The following JAKMIP2 variants were observed in gnomAD, a reference collection of about 807,000 sequenced individuals.
JAKMIP2 encodes janus kinase and microtubule interacting protein 2.
Under a neutral mutation model 115.0 loss-of-function variants are expected in JAKMIP2, and 25 were observed. The observed-to-expected ratio is 0.22, with a 90% confidence interval of 0.16 to 0.30. JAKMIP2 has a LOEUF of 0.30. JAKMIP2 is among the 10% of genes least tolerant of loss of function. JAKMIP2 has a pLI of 1.00. For missense variants in JAKMIP2, 642 were observed against 957.6 expected (o/e 0.67, Z 4.35); for synonymous variants, 334 against 343.6 (o/e 0.97, Z 0.31).
chr5:147,715,415 G>C (rs1477293591), intron 1 of JAKMIP2, among the ~76,000 whole-genome samples: 1 of 151,152 alleles, frequency 6.6e-6, no homozygotes, highest in Non-Finnish European at 1.5e-5. Flanking sequence ...GTTCCCTAAA[G>C]AGTCTTTCTA....
At chr5:147,747,082 C>T (rs527703518) in intron 1 of JAKMIP2, among the ~76,000 whole-genome samples, 2 of 152,192 alleles carry the variant, frequency 1.3e-5, no homozygotes, top group East Asian at 3.9e-4. Flanking sequence ...CTCCCACATA[C>T]CATAGTGCTT....
At chr5:147,660,597 A>C in intron 3 of JAKMIP2, 1 of 374,298 alleles carries the variant, frequency 2.7e-6, no homozygotes, top group Admixed American at 3.5e-5. Context: ...ACTTTAGAAG[A>C]ATCCATGATT....
chr5:147,642,506 T>C (rs1757927674), intron 7 of JAKMIP2, among the ~76,000 whole-genome samples: 1 of 152,098 alleles, frequency 6.6e-6, no homozygotes, highest in Non-Finnish European at 1.5e-5. Context: ...AGCCCAAAAT[T>C]CTATAAAAAA....
chr5:147,715,067 C>A (rs527322164), intron 1 of JAKMIP2, among the ~76,000 whole-genome samples: 5 of 151,968 alleles, frequency 3.3e-5, no homozygotes, highest in African/African-American at 9.6e-5. Flanking sequence ...GTTTTAAGGG[C>A]TAGAAGAAAC....
chr5:147,703,143 A>T (rs1354826853), intron 1 of JAKMIP2, among the ~76,000 whole-genome samples: 2 of 152,096 alleles, frequency 1.3e-5, no homozygotes, highest in Non-Finnish European at 1.5e-5. Flanking sequence ...TAAGGGAGAT[A>T]TATTCTGAGG....
At chr5:147,599,822 A>G (rs981216432) in intron 21 of JAKMIP2, among the ~76,000 whole-genome samples, 7 of 152,086 alleles carry the variant, frequency 4.6e-5, no homozygotes, top group African/African-American at 1.7e-4. Context: ...TGGTCTTGGG[A>G]AAGTCACATG....
chr5:147,588,914 A>G lies in JAKMIP2; in HGVS notation c.*2793T>C, dbSNP rs528023061. The G allele has an allele frequency of 5.3e-5, 8 of 152,278 alleles. No homozygotes were observed. Among genetic ancestry groups the G allele is most frequent in the African/African-American group, 1.7e-4 (7 of 41,568 alleles). The allele number at this position is 152,278 out of a possible 1,614,324, so 9.4% of individuals were successfully genotyped here. ...GTGGGTGGGAAAGCAAAATTAAGAGAAGGAAGGTGTGTGTTGGAGCAGACG... is the reference window on the plus strand; with the variant it reads ...GTGGGTGGGAAAGCAAAATTAAGAGGAGGAAGGTGTGTGTTGGAGCAGACG... On this transcript the variant is annotated 3_prime_UTR_variant, in exon 22 of 22. Coordinates refer to ENST00000616793, the MANE Select transcript of JAKMIP2 (RefSeq NM_001270941.2).
At chr5:147,623,115 A>G (rs992223991) in intron 17 of JAKMIP2, among the ~76,000 whole-genome samples, 1 of 151,780 alleles carries the variant, frequency 6.6e-6, no homozygotes, top group Non-Finnish European at 1.5e-5. Flanking sequence ...GGTTCTCACT[A>G]TGTTGTCCAG....
intron 1 of JAKMIP2, among the ~76,000 whole-genome samples, chr5:147,773,689 T>C (rs1290778316): frequency 6.6e-6 from 1 of 152,146 alleles, no homozygotes; most frequent in Non-Finnish European, 1.5e-5. Context: ...TTAGTATGAA[T>C]CAGGCATGTT....
Position 147,671,809 on chromosome 5 carries a change from T to C in JAKMIP2, c.-3A>G. The C allele has an allele frequency of 6.4e-7, 1 of 1,561,618 alleles. No homozygotes were observed. ...TTATTTCGCCCTTTCTTGGACATTGTTCCTTTCTAAATGGAGTCTGTTGGT... is the reference window on the plus strand; with the variant it reads ...TTATTTCGCCCTTTCTTGGACATTGCTCCTTTCTAAATGGAGTCTGTTGGT... On this transcript the variant is annotated 5_prime_UTR_variant, in exon 2 of 22. Transcript: ENST00000616793.
chr5:147,591,708 T>A (rs1254968982), intron 21 of JAKMIP2, 22 bp from the exon 22 acceptor site: 6 of 1,451,756 alleles, frequency 4.1e-6, no homozygotes, highest in African/African-American at 2.8e-5. Context: ...AGGAAAAAAA[T>A]TATTTATATA....
chr5:147,725,347 G>A (rs574308350), intron 1 of JAKMIP2, among the ~76,000 whole-genome samples: 8 of 152,194 alleles, frequency 5.3e-5, no homozygotes, highest in East Asian at 3.9e-4. Flanking sequence ...CCACTACTCC[G>A]CCCATGGAGT....
At chr5:147,658,066 C>T (rs768765418) in intron 3 of JAKMIP2, among the ~76,000 whole-genome samples, 2 of 151,980 alleles carry the variant, frequency 1.3e-5, no homozygotes, top group East Asian at 1.9e-4. Flanking sequence ...TTGTTGTGAA[C>T]GTTTGGAGGA....
intron 1 of JAKMIP2, among the ~76,000 whole-genome samples, chr5:147,693,520 A>C (rs1172503369): frequency 6.6e-6 from 1 of 152,176 alleles, no homozygotes; most frequent in East Asian, 1.9e-4. Flanking sequence ...CAATGAACAA[A>C]ATAGGTGAGT....
intron 1 of JAKMIP2, among the ~76,000 whole-genome samples, chr5:147,721,163 G>T (rs1323681002): frequency 2.0e-5 from 3 of 151,562 alleles, no homozygotes; most frequent in Admixed American, 2.0e-4. Context: ...GGCTGCTCGG[G>T]GGTCAGGAGT....
intron 1 of JAKMIP2, among the ~76,000 whole-genome samples, chr5:147,728,120 G>A (rs372597027): frequency 6.6e-6 from 1 of 152,148 alleles, no homozygotes; most frequent in South Asian, 2.1e-4. Flanking sequence ...CGCAGTATGT[G>A]AGAATTTTGA....
At chr5:147,750,177 C>T (rs570344545) in intron 1 of JAKMIP2, among the ~76,000 whole-genome samples, 2 of 152,118 alleles carry the variant, frequency 1.3e-5, no homozygotes, top group South Asian at 2.1e-4. Context: ...ACAACCATTG[C>T]GAAATAAACT....
chr5:147,648,478 C>CA lies in JAKMIP2; in HGVS notation c.838-5dup. ...TCTTTTGATTTCTTCGCAAATCCTA[C>CA]AAAGAAAAATTAAAATGGGTATTTC... On this transcript the variant is annotated splice_region_variant and splice_polypyrimidine_tract_variant and intron_variant, in intron 4 of 21. Coordinates refer to ENST00000616793, the MANE Select transcript of JAKMIP2 (RefSeq NM_001270941.2). 6.5e-7 allele frequency: 1 copy of CA among 1,543,712 alleles called. No individual in the cohort carries two copies. Among genetic ancestry groups the CA allele is most frequent in the Non-Finnish European group, 8.9e-7 (1 of 1,118,696 alleles).
At chr5:147,596,145 G>T (rs568501778) in intron 21 of JAKMIP2, among the ~76,000 whole-genome samples, 1 of 152,128 alleles carries the variant, frequency 6.6e-6, no homozygotes, top group African/African-American at 2.4e-5. Flanking sequence ...GAGATTGCCC[G>T]TGTGGTTAGA....
Sources: allele counts gnomAD v4.1 joint callset (sites outside exome capture counted in the v4.1 genomes callset), GRCh38; gene constraint gnomAD v4.1.1; transcripts MANE v1.5; gene names NCBI Gene and HGNC (gene_info 2026-07-23, HGNC 2026-07-21).